Variants in ERBB4 observed in about 807,000 individuals in gnomAD.
ERBB4 encodes the protein receptor tyrosine-protein kinase erbB-4.
In ERBB4, 42 loss-of-function variants were observed where a neutral mutation model predicts 158.0. That is an observed-to-expected ratio of 0.27 (90% CI 0.21 to 0.34). The LOEUF is 0.34. Ranked by LOEUF, ERBB4 falls within the 10% of genes least tolerant of loss-of-function variation. The pLI is 1.00. For synonymous variants in ERBB4, 583 were observed against 558.7 expected (o/e 1.04, Z -0.61); for missense variants, 1,333 against 1,624.1 (o/e 0.82, Z 3.08).
chr2:211,439,732 A>G (rs1162717856), intron 20 of ERBB4, among the ~76,000 whole-genome samples: 1 of 152,176 alleles, frequency 6.6e-6, no homozygotes, highest in Non-Finnish European at 1.5e-5. Flanking sequence ...GTCAGTTTCC[A>G]TATACAAAGG....
chr2:212,436,780 C>T (rs999932450), intron 1 of ERBB4, among the ~76,000 whole-genome samples: 4 of 151,954 alleles, frequency 2.6e-5, no homozygotes, highest in Admixed American at 2.0e-4. Flanking sequence ...CTAGAATGGC[C>T]GAACCTTTCT....
At chr2:212,234,285 A>C (rs1478085819) in intron 1 of ERBB4, among the ~76,000 whole-genome samples, 1 of 152,074 alleles carries the variant, frequency 6.6e-6, no homozygotes, top group Non-Finnish European at 1.5e-5. Flanking sequence ...TTCCAGTATC[A>C]TCCATGTCCC....
At chr2:211,390,389 C>G (rs751375732) in intron 25 of ERBB4, among the ~76,000 whole-genome samples, 7 of 152,142 alleles carry the variant, frequency 4.6e-5, no homozygotes, top group Non-Finnish European at 7.4e-5. Context: ...ATTAGAATGC[C>G]AGGTATTCCA....
intron 3 of ERBB4, among the ~76,000 whole-genome samples, chr2:211,920,576 T>G (rs1347888): frequency 2.0e-5 from 3 of 152,016 alleles, no homozygotes; most frequent in Non-Finnish European, 4.4e-5. Context: ...CTTGACAAGA[T>G]TACTGCAAGA....
At chr2:211,931,009 C>T (rs1157423398) in intron 3 of ERBB4, among the ~76,000 whole-genome samples, 1 of 151,946 alleles carries the variant, frequency 6.6e-6, no homozygotes, top group African/African-American at 2.4e-5. Context: ...TTGAATAATT[C>T]CAGGGGAACT....
intron 1 of ERBB4, among the ~76,000 whole-genome samples, chr2:212,137,144 A>C (rs2080295836): frequency 6.6e-6 from 1 of 152,172 alleles, no homozygotes; most frequent in Non-Finnish European, 1.5e-5. Flanking sequence ...AGATAATCAT[A>C]CTTACAAGTA....
intron 1 of ERBB4, among the ~76,000 whole-genome samples, chr2:212,187,175 C>T (rs2082039039): frequency 6.6e-6 from 1 of 151,972 alleles, no homozygotes; most frequent in South Asian, 2.1e-4. Context: ...ACAAAAAATG[C>T]AGAATCACAA....
intron 3 of ERBB4, among the ~76,000 whole-genome samples, chr2:211,830,464 T>C (rs940131150): frequency 2.6e-5 from 4 of 152,182 alleles, no homozygotes; most frequent in African/African-American, 9.6e-5. Context: ...TATTTTACTC[T>C]TTTGACTTAA....
intron 5 of ERBB4, among the ~76,000 whole-genome samples, chr2:211,738,157 C>A (rs1460493042): frequency 1.3e-5 from 2 of 151,954 alleles, no homozygotes; most frequent in Non-Finnish European, 2.9e-5. Flanking sequence ...TGATACTGTT[C>A]CAAGCTCATA....
chr2:211,641,716 A>G (rs1043549835), intron 16 of ERBB4, among the ~76,000 whole-genome samples: 1 of 152,152 alleles, frequency 6.6e-6, no homozygotes, highest in African/African-American at 2.4e-5. Flanking sequence ...AGCTGTAAGT[A>G]CTAATAAGTG....
chr2:212,185,371 G>GA (rs372652910), intron 1 of ERBB4, among the ~76,000 whole-genome samples: 1,528 of 140,522 alleles, frequency 0.011, 23 homozygotes, highest in African/African-American at 0.035. Flanking sequence ...CTCAGAAAAA[G>GA]AAAAAAAAAA....
chr2:211,990,044 GAA>G (rs375483051), intron 2 of ERBB4, among the ~76,000 whole-genome samples: 1 of 146,186 alleles, frequency 6.8e-6, no homozygotes, highest in Non-Finnish European at 1.5e-5. Flanking sequence ...AGTTAGGAAT[GAA>G]AAAAAAAATA....
chr2:211,791,642 T>C (rs368891406), intron 3 of ERBB4, among the ~76,000 whole-genome samples: 1 of 151,954 alleles, frequency 6.6e-6, no homozygotes, highest in East Asian at 1.9e-4. Context: ...TTGAATCAAT[T>C]GATAGAAAAA....
rs56892079 is a variant in ERBB4 at position 211,580,866 on chromosome 2, CATATATAT to C, written c.2302-18786_2302-18779del. ...ATATTATATATATAGTATGCATATA[CATATATAT>C]ATATATATATATATATATATATATA... On this transcript the variant is annotated intron_variant, in intron 19 of 27. Transcript: ENST00000342788. 4.5e-4 allele frequency among the ~76,000 whole-genome samples: 29 copies of C among 64,158 alleles called. No individual in the cohort carries two copies. In the East Asian group the frequency reaches 4.6e-3, roughly 10 times the overall value. The allele number at this position is 64,158 out of a possible 152,430, so 42.1% of individuals were successfully genotyped here.
chr2:211,402,853 G>A (rs1348903909), intron 25 of ERBB4, among the ~76,000 whole-genome samples: 1 of 151,880 alleles, frequency 6.6e-6, no homozygotes, highest in Non-Finnish European at 1.5e-5. Context: ...TCCCCAAAGC[G>A]GCTTTCACTA....
intron 4 of ERBB4, among the ~76,000 whole-genome samples, chr2:211,784,755 T>C (rs2076116717): frequency 6.6e-6 from 1 of 152,180 alleles, no homozygotes; most frequent in Non-Finnish European, 1.5e-5. Flanking sequence ...TCACATTTGT[T>C]ATTTTCTTTT....
chr2:212,496,777 G>A (rs555487139), intron 1 of ERBB4, among the ~76,000 whole-genome samples: 123 of 152,184 alleles, frequency 8.1e-4, no homozygotes, highest in Non-Finnish European at 1.5e-3. Flanking sequence ...AAATAATATG[G>A]TTTAAAGAGT....
At chr2:211,663,918 TAACTC>T (rs959119455) in intron 15 of ERBB4, among the ~76,000 whole-genome samples, 7 of 152,166 alleles carry the variant, frequency 4.6e-5, no homozygotes, top group Admixed American at 1.3e-4. Flanking sequence ...GAAATACTCT[TAACTC>T]AAGTATGCCA....
At chr2:212,329,689 A>C (rs1044434830) in intron 1 of ERBB4, among the ~76,000 whole-genome samples, 2 of 152,064 alleles carry the variant, frequency 1.3e-5, no homozygotes, top group Non-Finnish European at 1.5e-5. Flanking sequence ...GTGGGCAGCC[A>C]GGTTTGTAAA....
Sources: gnomAD v4.1 joint callset for allele counts (sites outside exome capture counted in the v4.1 genomes callset) on GRCh38, gnomAD v4.1.1 for gene constraint, MANE v1.5 for transcripts, NCBI Gene and HGNC (gene_info 2026-07-23, HGNC 2026-07-21) for gene names.